The following RAB2A variants were observed in gnomAD, a reference collection of about 807,000 sequenced individuals.
RAB2A encodes ras-related protein Rab-2A.
A neutral mutation model predicts 32.5 loss-of-function variants in RAB2A; 7 were observed. The observed-to-expected ratio is 0.22, with a 90% confidence interval of 0.12 to 0.40. The LOEUF (loss-of-function observed/expected upper bound fraction) is 0.40. Ranked by LOEUF, RAB2A falls within the 10% of genes least tolerant of loss-of-function variation. The pLI is 1.00. For synonymous variants in RAB2A, 79 were observed against 85.2 expected, an observed-to-expected ratio of 0.93 and a Z score of 0.40; for missense variants, 108 against 260.7, an observed-to-expected ratio of 0.41 and a Z score of 4.03.
At chr8:60,561,133 A>G (rs1238483851) in intron 2 of RAB2A, among the ~76,000 whole-genome samples, 1 of 152,204 alleles carries the variant, frequency 6.6e-6, no homozygotes, top group Non-Finnish European at 1.5e-5. Context: ...TTTCCAGCCT[A>G]GGGGTGGTAG....
chr8:60,520,828 A>G (rs185175108), intron 1 of RAB2A, among the ~76,000 whole-genome samples: 16 of 152,084 alleles, frequency 1.1e-4, no homozygotes, highest in Admixed American at 3.9e-4. Context: ...TTATTTATCT[A>G]TCTATTGAGA....
At chr8:60,561,994 T>C (rs1243192262) in intron 2 of RAB2A, among the ~76,000 whole-genome samples, 1 of 152,222 alleles carries the variant, frequency 6.6e-6, no homozygotes, top group Non-Finnish European at 1.5e-5. Flanking sequence ...TACTTTTCCC[T>C]AACACGTATA....
At chr8:60,602,377 T>TC (rs1804148549) in intron 6 of RAB2A, among the ~76,000 whole-genome samples, 1 of 152,220 alleles carries the variant, frequency 6.6e-6, no homozygotes, top group African/African-American at 2.4e-5. Flanking sequence ...AATACCATTA[T>TC]CATATATAAC....
intron 2 of RAB2A, among the ~76,000 whole-genome samples, chr8:60,562,240 A>G (rs899988854): frequency 4.6e-5 from 7 of 152,232 alleles, no homozygotes; most frequent in Non-Finnish European, 1.0e-4. Context: ...CAAGTACTGT[A>G]TAGGCACACA....
chr8:60,530,333 A>G (rs1807457697), intron 1 of RAB2A, among the ~76,000 whole-genome samples: 1 of 151,940 alleles, frequency 6.6e-6, no homozygotes, highest in South Asian at 2.1e-4. Context: ...TTTAGCAGAG[A>G]CAGGGTTTCA....
At chr8:60,555,577 C>T (rs990598982) in intron 1 of RAB2A, among the ~76,000 whole-genome samples, 132 of 152,158 alleles carry the variant, frequency 8.7e-4, no homozygotes, top group African/African-American at 2.9e-3. Context: ...AAAGAAGATA[C>T]ACAAATGGCC....
At chr8:60,574,933 A>C (rs901728331) in intron 3 of RAB2A, among the ~76,000 whole-genome samples, 3 of 152,154 alleles carry the variant, frequency 2.0e-5, no homozygotes, top group African/African-American at 4.8e-5. Context: ...TCCCAGAAAG[A>C]ATTCGACCAC....
chr8:60,539,382 T>C (rs1488301981), intron 1 of RAB2A, among the ~76,000 whole-genome samples: 2 of 152,210 alleles, frequency 1.3e-5, no homozygotes, highest in Non-Finnish European at 2.9e-5. Context: ...TATTACATAT[T>C]ATCTCTTTTA....
chr8:60,558,001 A>G (rs1236155737), intron 1 of RAB2A, among the ~76,000 whole-genome samples: 4 of 152,260 alleles, frequency 2.6e-5, no homozygotes, highest in Non-Finnish European at 5.9e-5. Context: ...TAAGCTCTGT[A>G]CACAGGAACC....
At chr8:60,609,644 C>T (rs577161652) in intron 6 of RAB2A, among the ~76,000 whole-genome samples, 2 of 152,158 alleles carry the variant, frequency 1.3e-5, no homozygotes, top group Admixed American at 6.5e-5. Flanking sequence ...TATCTTTGCC[C>T]AAGCATTTTA....
Position 60,517,039 on chromosome 8 carries a change from A to T in RAB2A, c.-169A>T. On this transcript the variant is annotated 5_prime_UTR_variant, in exon 1 of 8. Coordinates refer to ENST00000262646, the MANE Select transcript of RAB2A (RefSeq NM_002865.3). The stretch of plus-strand genomic sequence containing the variant: ...TGTCTCCCTCGGCTCTGCGGGTGTC[A>T]GTTCGTCCGGCTTCCTCACAGCCCC... The T allele has an allele frequency of 7.2e-6, 4 of 558,640 alleles. No individual in the cohort carries two copies. The highest frequency in any genetic ancestry group is 1.2e-5 in the Non-Finnish European group (4 of 334,844). 34.6% of individuals were successfully genotyped at this position (558,640 alleles called of 1,614,324 possible).
intron 1 of RAB2A, among the ~76,000 whole-genome samples, chr8:60,521,012 C>T (rs1429512073): frequency 6.6e-6 from 1 of 152,160 alleles, no homozygotes; most frequent in African/African-American, 2.4e-5. Flanking sequence ...GATGGGCTCT[C>T]ACTGTGTTGC....
intron 1 of RAB2A, among the ~76,000 whole-genome samples, chr8:60,551,320 T>C (rs915482203): frequency 1.3e-5 from 2 of 152,252 alleles, no homozygotes; most frequent in African/African-American, 4.8e-5. Context: ...TGGAGATACA[T>C]GTGGCTAATG....
At chr8:60,607,449 AGG>A (rs1804254070) in intron 6 of RAB2A, among the ~76,000 whole-genome samples, 2 of 143,972 alleles carry the variant, frequency 1.4e-5, no homozygotes, top group Admixed American at 1.4e-4. Flanking sequence ...AAAAAAAAAA[AGG>A]TTTTTGTAGA....
At chr8:60,547,224 G>T (rs1016662898) in intron 1 of RAB2A, among the ~76,000 whole-genome samples, 1 of 152,110 alleles carries the variant, frequency 6.6e-6, no homozygotes, top group Non-Finnish European at 1.5e-5. Flanking sequence ...TAAGGTCACC[G>T]ATCAACAGGA....
intron 6 of RAB2A, among the ~76,000 whole-genome samples, chr8:60,601,855 A>G (rs1804139511): frequency 6.6e-6 from 1 of 152,216 alleles, no homozygotes; most frequent in Non-Finnish European, 1.5e-5. Context: ...TGGTAGGCTC[A>G]CAATGAAGTT....
At chr8:60,568,425 A>G (rs962144718) in intron 2 of RAB2A, among the ~76,000 whole-genome samples, 2 of 152,216 alleles carry the variant, frequency 1.3e-5, no homozygotes, top group African/African-American at 4.8e-5. Flanking sequence ...ATAATATGGA[A>G]TAATAATAAT....
At chr8:60,526,056 T>TATATATATATATATATATATATA (rs1372267520) in intron 1 of RAB2A, among the ~76,000 whole-genome samples, 2 of 125,538 alleles carry the variant, frequency 1.6e-5, no homozygotes, top group Admixed American at 8.0e-5. Context: ...TATATATATA[T>TATATATATATATATATATATATA]AAGTTTTCTG....
At chr8:60,591,276 G>A (rs916091348) in intron 5 of RAB2A, among the ~76,000 whole-genome samples, 8 of 149,780 alleles carry the variant, frequency 5.3e-5, no homozygotes, top group Non-Finnish European at 8.9e-5. Flanking sequence ...CTCTCACTCC[G>A]TTTCTCCTTT....
Sources: allele counts gnomAD v4.1 joint callset (sites outside exome capture counted in the v4.1 genomes callset), GRCh38; gene constraint gnomAD v4.1.1; transcripts MANE v1.5; gene names NCBI Gene and HGNC (gene_info 2026-07-23, HGNC 2026-07-21).